The following TAOK3 variants were observed in gnomAD, a reference collection of about 807,000 sequenced individuals.
TAOK3 encodes TAO kinase 3, also known as serine/threonine-protein kinase TAO3.
In TAOK3, 40 loss-of-function variants were observed where a neutral mutation model predicts 120.4. The observed-to-expected ratio is 0.33, with a 90% confidence interval of 0.26 to 0.43. The LOEUF (loss-of-function observed/expected upper bound fraction) is 0.43, where lower values mean the gene tolerates loss of function less well. TAOK3 is among the 20% of genes least tolerant of loss of function. The probability of loss-of-function intolerance (pLI) is 1.00; values close to 1 mark genes in which losing one functional copy is unlikely to be tolerated. For synonymous variants in TAOK3, 355 were observed against 387.5 expected, an observed-to-expected ratio of 0.92 and a Z score of 0.99; for missense variants, 821 against 1,112.1, an observed-to-expected ratio of 0.74 and a Z score of 3.72.
intron 1 of TAOK3, among the ~76,000 whole-genome samples, chr12:118,346,408 T>C (rs953315220): frequency 2.0e-5 from 3 of 152,214 alleles, no homozygotes; most frequent in Non-Finnish European, 1.5e-5. Flanking sequence ...ATGAAATGAA[T>C]AATTGTACAG....
intron 1 of TAOK3, among the ~76,000 whole-genome samples, chr12:118,328,679 T>C (rs902887242): frequency 2.0e-5 from 3 of 152,142 alleles, no homozygotes; most frequent in Non-Finnish European, 4.4e-5. Flanking sequence ...GGGATATGAG[T>C]TACAATTTTT....
intron 9 of TAOK3, among the ~76,000 whole-genome samples, chr12:118,218,385 T>C (rs2039046008): frequency 6.6e-6 from 1 of 152,140 alleles, no homozygotes; most frequent in African/African-American, 2.4e-5. Context: ...CTGGTTCCCG[T>C]TCCCCCCTGC....
At chr12:118,216,943 A>AG in intron 9 of TAOK3, among the ~76,000 whole-genome samples, 1 of 151,798 alleles carries the variant, frequency 6.6e-6, no homozygotes, top group African/African-American at 2.4e-5. Flanking sequence ...AAAAAAAAAA[A>AG]AAAAGAAAAA....
intron 4 of TAOK3, 38 bp from the exon 5 acceptor site, chr12:118,243,554 T>C: frequency 1.1e-6 from 1 of 886,160 alleles, no homozygotes; most frequent in South Asian, 2.1e-5. Flanking sequence ...AATTTAATTT[T>C]TGATAGGAAA....
rs1161957178 is a variant in TAOK3 at position 118,371,201 on chromosome 12, T to C, written c.-194+1447A>G. ...GCAAGGGTCTATCAAAGAAATATTC[T>C]TATTAATCTAAAACACGGGTCTCCA... On this transcript the variant is annotated intron_variant, in intron 1 of 20. Transcript: ENST00000392533. The surrounding 1 kb of genome is among the most constrained non-coding windows in gnomAD (Gnocchi z 5.5). 6.6e-6 allele frequency among the ~76,000 whole-genome samples: 1 copy of C among 152,206 alleles called. No individual in the cohort carries two copies. The highest frequency in any genetic ancestry group is 6.5e-5 in the Admixed American group (1 of 15,286).
intron 5 of TAOK3, among the ~76,000 whole-genome samples, chr12:118,241,862 G>A (rs2139972756): frequency 6.6e-6 from 1 of 152,178 alleles, no homozygotes; most frequent in East Asian, 1.9e-4. Flanking sequence ...TGTAATTCCA[G>A]CACTTTGGGA....
chr12:118,312,694 T>C (rs1278023663), intron 1 of TAOK3, among the ~76,000 whole-genome samples: 2 of 152,226 alleles, frequency 1.3e-5, no homozygotes, highest in Non-Finnish European at 2.9e-5. Context: ...TTGTCCACAG[T>C]TGCATGTTGA....
At chr12:118,265,394 G>GA (rs35810306) in intron 2 of TAOK3, among the ~76,000 whole-genome samples, 1,352 of 68,578 alleles carry the variant, frequency 0.02, 18 homozygotes, top group South Asian at 0.077. Flanking sequence ...GTCTCAGGAA[G>GA]AAAAAAAAAA....
At position 118,255,598 on chromosome 12, in the gene TAOK3, A is replaced by G. The variant is rs553786104; in HGVS notation, c.-31T>C. On this transcript the variant is annotated 5_prime_UTR_variant, in exon 3 of 21. Transcript: ENST00000392533. ...CCAGTAGAGCAGGCTCTGCTTTTTG[A>G]TATCAGTTAGCTTTATTTCTCATTG... is the stretch of plus-strand genomic sequence containing the variant. 2 of 1,579,090 alleles carry G rather than the reference A, an allele frequency of 1.3e-6. No individual in the cohort carries two copies. Among genetic ancestry groups the G allele is most frequent in the Admixed American group, 1.9e-5 (1 of 53,544 alleles).
At chr12:118,229,211 T>C (rs1036853949) in intron 9 of TAOK3, among the ~76,000 whole-genome samples, 1 of 151,904 alleles carries the variant, frequency 6.6e-6, no homozygotes, top group Non-Finnish European at 1.5e-5. Flanking sequence ...GATGATTCTC[T>C]TGCCTCAGCC....
chr12:118,235,717 A>G, intron 7 of TAOK3, 46 bp from the exon 8 acceptor site: 2 of 1,269,714 alleles, frequency 1.6e-6, no homozygotes, highest in Non-Finnish European at 2.3e-6. Flanking sequence ...TTCAATTTTG[A>G]TTATGGAATA....
chr12:118,303,687 A>C (rs1421496829), intron 1 of TAOK3, among the ~76,000 whole-genome samples: 4 of 152,054 alleles, frequency 2.6e-5, no homozygotes, highest in African/African-American at 9.7e-5. Flanking sequence ...TGCTCTTGTC[A>C]CCCAGGCTGG....
chr12:118,192,388 C>T (rs2037480282), intron 13 of TAOK3, among the ~76,000 whole-genome samples: 1 of 152,118 alleles, frequency 6.6e-6, no homozygotes, highest in Non-Finnish European at 1.5e-5. Flanking sequence ...TTCTTTGCTT[C>T]CCCCTACATT....
chr12:118,219,261 ATG>A (rs1332484345), intron 9 of TAOK3, among the ~76,000 whole-genome samples: 4 of 151,180 alleles, frequency 2.6e-5, no homozygotes. Flanking sequence ...CTTTTTGTGT[ATG>A]TGTGTGTGTG....
chr12:118,160,123 T>C lies in TAOK3; in HGVS notation c.2352+23A>G. 2.5e-6 allele frequency: 4 copies of C among 1,577,848 alleles called. No individual in the cohort carries two copies. The highest frequency in any genetic ancestry group is 3.5e-6 in the Non-Finnish European group (4 of 1,147,130). On this transcript the variant is annotated intron_variant, in intron 19 of 20. Coordinates refer to ENST00000392533, the MANE Select transcript of TAOK3 (RefSeq NM_016281.4). The surrounding 1 kb of genome is among the most constrained non-coding windows in gnomAD (Gnocchi z 4.2). ...TTGATTCCCAAAGCTCTCGAAGCCG[T>C]GGCACCAAACCTAACCACTTACCGC... is the stretch of plus-strand genomic sequence containing the variant.
intron 15 of TAOK3, among the ~76,000 whole-genome samples, chr12:118,180,436 T>G (rs978337003): frequency 1.3e-5 from 2 of 151,798 alleles, no homozygotes; most frequent in Admixed American, 1.3e-4. Flanking sequence ...AGACGGGGTT[T>G]TGCCACATTG....
intron 9 of TAOK3, among the ~76,000 whole-genome samples, chr12:118,219,899 C>T (rs530957187): frequency 2.0e-5 from 3 of 149,804 alleles, no homozygotes; most frequent in Non-Finnish European, 4.4e-5. Context: ...TAGGCATGAG[C>T]GACCATGCCT....
intron 1 of TAOK3, among the ~76,000 whole-genome samples, chr12:118,351,928 C>A (rs2045181782): frequency 7.4e-6 from 1 of 135,594 alleles, no homozygotes; most frequent in Non-Finnish European, 1.5e-5. Flanking sequence ...GGCCAGACTG[C>A]AGTGGCGCTA....
chr12:118,184,941 G>C (rs2036985020), intron 14 of TAOK3, among the ~76,000 whole-genome samples: 1 of 152,200 alleles, frequency 6.6e-6, no homozygotes, highest in Non-Finnish European at 1.5e-5. Context: ...TCATGTGAAA[G>C]TGCCTAGCAG....
Sources: allele counts gnomAD v4.1 joint callset (sites outside exome capture counted in the v4.1 genomes callset), GRCh38; gene constraint gnomAD v4.1.1; non-coding constraint Gnocchi (gnomAD v3.1); transcripts MANE v1.5; gene names NCBI Gene and HGNC (gene_info 2026-07-23, HGNC 2026-07-21).